TM9SF4: variants seen among roughly 807,000 people sequenced by gnomAD.
TM9SF4 encodes dinucleotide oxidase disulfide thiol exchanger 3 superfamily member 4.
TM9SF4 carries 26 observed loss-of-function variants against 90.4 expected under a neutral mutation model. That is an observed-to-expected ratio of 0.29 (90% CI 0.21 to 0.40). The LOEUF (loss-of-function observed/expected upper bound fraction) is 0.40. TM9SF4 is among the 10% of genes least tolerant of loss of function. TM9SF4 has a pLI of 1.00. For missense variants in TM9SF4, 549 were observed against 834.8 expected (o/e 0.66, Z 4.22); for synonymous variants, 293 against 315.4 (o/e 0.93, Z 0.75).
chr20:32,110,008 G>A (rs551970724), intron 1 of TM9SF4: 1 of 1,402,780 alleles, frequency 7.1e-7, no homozygotes, highest in South Asian at 1.6e-5. Context: ...TGCCTTCGCC[G>A]GTTCCCATTC....
At chr20:32,125,825 C>T (rs927237286) in intron 1 of TM9SF4, among the ~76,000 whole-genome samples, 60 of 151,860 alleles carry the variant, frequency 4.0e-4, no homozygotes, top group African/African-American at 1.1e-3. Context: ...CGTGCCATCA[C>T]GCCCAGCTAA....
chr20:32,109,752 G>T lies in TM9SF4; in HGVS notation c.12G>T (p.Ala4=). ...CACGTGGATCCAAGATGGCGACGGC[G>T]ATGGTGAGTGAAGGAGACTCCGGGA... is the stretch of plus-strand genomic sequence containing the variant. MAT[A]MDWLPWSLLL... The change falls in exon 1 of 18, where the codon GCG becomes GCT. Residue 4 remains alanine, a synonymous_variant. Transcript: ENST00000398022. 3 of 1,551,644 alleles carry T rather than the reference G, an allele frequency of 1.9e-6. No individual in the cohort carries two copies. In the South Asian group the frequency reaches 3.6e-5, roughly 18 times the overall value.
chr20:32,120,395 G>GTTTTTTTTTTTTTTTTTTTTTTTT (rs34639926), intron 1 of TM9SF4, among the ~76,000 whole-genome samples: 1 of 116,228 alleles, frequency 8.6e-6, no homozygotes. Flanking sequence ...TAAGTGGTGC[G>GTTTTTTTTTTTTTTTTTTTTTTTT]TTTTTTTTTT....
intron 1 of TM9SF4, among the ~76,000 whole-genome samples, chr20:32,122,680 C>A (rs1222472398): frequency 2.6e-5 from 4 of 151,144 alleles, no homozygotes; most frequent in African/African-American, 7.3e-5. Context: ...TCCTCACTTT[C>A]CAGACTGGGC....
At position 32,150,718 on chromosome 20, in the gene TM9SF4, G is replaced by T. The variant is rs1019555519; in HGVS notation, c.1169+15G>T. On this transcript the variant is annotated intron_variant, in intron 11 of 17. Coordinates refer to ENST00000398022, the MANE Select transcript of TM9SF4 (RefSeq NM_014742.4). ...ATGTTCATGGGGTAGGTGTGTCTGAGTGGGCTCCCGGGGGCGGCACAGGCC... is the reference window on the plus strand; with the variant it reads ...ATGTTCATGGGGTAGGTGTGTCTGATTGGGCTCCCGGGGGCGGCACAGGCC... 2 of 1,614,118 alleles carry T rather than the reference G, an allele frequency of 1.2e-6. No individual in the cohort carries two copies. Among genetic ancestry groups the T allele is most frequent in the African/African-American group, 2.7e-5 (2 of 74,936 alleles).
rs1471014493 is a variant in TM9SF4 at position 32,165,627 on chromosome 20, G to A, written c.*183G>A. The A allele has an allele frequency of 2.7e-5, 18 of 671,692 alleles. No homozygotes were observed. Among genetic ancestry groups the A allele is most frequent in the Middle Eastern group, 4.2e-4 (1 of 2,372 alleles). 41.6% of individuals were successfully genotyped at this position (671,692 alleles called of 1,614,324 possible). On this transcript the variant is annotated 3_prime_UTR_variant, in exon 18 of 18. Transcript: ENST00000398022. ...GCCTGTAGATAATCTTGCGTTTTTC[G>A]TCATCTTATTCCAGTTCTGTGGGGG... is the stretch of plus-strand genomic sequence containing the variant.
intron 12 of TM9SF4, among the ~76,000 whole-genome samples, chr20:32,151,450 G>GTCC (rs371728514): frequency 0.42 from 64,098 of 151,794 alleles, 13,875 homozygotes; most frequent in East Asian, 0.74. Flanking sequence ...GAGCGAGTGA[G>GTCC]TCTCTTAGAG....
intron 1 of TM9SF4, among the ~76,000 whole-genome samples, chr20:32,121,517 G>GGGTAA (rs1032447033): frequency 1.3e-5 from 2 of 151,756 alleles, no homozygotes; most frequent in African/African-American, 2.4e-5. Context: ...ACAGGGTTGG[G>GGGTAA]GGTAAGGTCA....
chr20:32,113,341 C>G (rs1183805474), intron 1 of TM9SF4, among the ~76,000 whole-genome samples: 1 of 152,176 alleles, frequency 6.6e-6, no homozygotes, highest in African/African-American at 2.4e-5. Context: ...GGCAAGACTT[C>G]TCCCTCCATA....
intron 13 of TM9SF4, among the ~76,000 whole-genome samples, chr20:32,155,943 C>A (rs999919289): frequency 6.6e-6 from 1 of 152,176 alleles, no homozygotes; most frequent in African/African-American, 2.4e-5. Context: ...CCTTTTTTAT[C>A]CCTGTGTTCC....
intron 13 of TM9SF4, among the ~76,000 whole-genome samples, chr20:32,155,397 C>G (rs2046904586): frequency 6.6e-6 from 1 of 152,230 alleles, no homozygotes; most frequent in African/African-American, 2.4e-5. Flanking sequence ...CCTGTGAGAT[C>G]TTTCAGTCAA....
chr20:32,158,404 C>T (rs776708342), intron 14 of TM9SF4, 47 bp from the exon 15 acceptor site: 2 of 1,602,274 alleles, frequency 1.2e-6, no homozygotes, highest in Non-Finnish European at 1.7e-6. Context: ...CTTGGGGCTT[C>T]CTGGTGGCCT....
At chr20:32,109,894 T>C in intron 1 of TM9SF4, 139 bp downstream of exon 1, 2 of 1,492,804 alleles carry the variant, frequency 1.3e-6, no homozygotes, top group South Asian at 2.5e-5. Context: ...CTGACTGGGC[T>C]TGTCTTCCCC....
At chr20:32,122,548 C>T (rs1361395151) in intron 1 of TM9SF4, among the ~76,000 whole-genome samples, 2 of 148,768 alleles carry the variant, frequency 1.3e-5, no homozygotes, top group African/African-American at 5.0e-5. Context: ...CGGGCAGAGG[C>T]GCTCCTCACA....
chr20:32,149,057 A>T (rs1201273199), intron 9 of TM9SF4, among the ~76,000 whole-genome samples: 1 of 152,242 alleles, frequency 6.6e-6, no homozygotes, highest in Non-Finnish European at 1.5e-5. Flanking sequence ...AACAAAGTAC[A>T]TAGTGTGATC....
chr20:32,157,876 G>T lies in TM9SF4; in HGVS notation c.1412G>T (p.Gly471Val). 6.2e-7 allele frequency: 1 copy of T among 1,614,126 alleles called. No homozygotes were observed. The highest frequency in any genetic ancestry group is 1.1e-5 in the South Asian group (1 of 91,084). ...LPLVYLGYYF[G>V]FRKQPYDNPV... ...CTCGTCTACTTGGGCTACTACTTCG[G>T]CTTCCGAAAGCAGCCATATGACAAC... Residue 471 changes from glycine to valine, a missense_variant, in exon 14 of 18, where the codon GGC becomes GTC. Transcript: ENST00000398022.
intron 1 of TM9SF4, among the ~76,000 whole-genome samples, chr20:32,116,915 C>T (rs1343710372): frequency 2.7e-5 from 3 of 110,216 alleles, no homozygotes; most frequent in African/African-American, 1.0e-4. Context: ...CAGTTACTGA[C>T]ATGGTCTCAA....
At chr20:32,143,162 G>T (rs1025067150) in intron 6 of TM9SF4, 57 bp downstream of exon 6, 3 of 1,593,026 alleles carry the variant, frequency 1.9e-6, no homozygotes, top group African/African-American at 2.7e-5. Context: ...GCTTCTCCAC[G>T]CAGGGTCTTC....
chr20:32,158,102 TCACTC>T (rs2046957418), intron 14 of TM9SF4, 133 bp downstream of exon 14: 3 of 1,255,252 alleles, frequency 2.4e-6, no homozygotes, highest in Non-Finnish European at 3.3e-6. Context: ...AAGCTTAACT[TCACTC>T]CAAGATCAAG....
Sources: gnomAD v4.1 joint callset for allele counts (sites outside exome capture counted in the v4.1 genomes callset) on GRCh38, gnomAD v4.1.1 for gene constraint, MANE v1.5 for transcripts, NCBI Gene and HGNC (gene_info 2026-07-23, HGNC 2026-07-21) for gene names.